The following DNAAF4 variants were observed in gnomAD, a reference collection of about 807,000 sequenced individuals.
The protein encoded by DNAAF4 is dynein axonemal assembly factor 4.
In DNAAF4, 43 loss-of-function variants were observed where a neutral mutation model predicts 51.8. The ratio of observed to expected loss-of-function variants is 0.83; its 90% CI spans 0.65 to 1.07. The LOEUF (loss-of-function observed/expected upper bound fraction) is 1.07, where lower values mean the gene tolerates loss of function less well. Ranked by LOEUF, DNAAF4 falls within the 50% of genes least tolerant of loss-of-function variation. The pLI is 0.00. For synonymous variants in DNAAF4, 194 were observed against 165.6 expected (o/e 1.17, Z -1.32); for missense variants, 581 against 493.0 (o/e 1.18, Z -1.69).
chr15:55,474,302 G>A (rs1344122289), intron 4 of DNAAF4, among the ~76,000 whole-genome samples: 2 of 152,162 alleles, frequency 1.3e-5, no homozygotes, highest in Non-Finnish European at 2.9e-5. Flanking sequence ...TTGGGAGGCC[G>A]AGGTGGGCAG....
At position 55,497,811 on chromosome 15, in the gene DNAAF4, C is replaced by T. The variant is rs748339322; in HGVS notation, c.172G>A (p.Asp58Asn). The T allele has an allele frequency of 2.5e-6, 4 of 1,613,674 alleles. No homozygotes were observed. The highest frequency in any genetic ancestry group is 3.4e-6 in the Non-Finnish European group (4 of 1,179,902). Residue 58 changes from aspartate (D) to asparagine (N), a missense_variant, in exon 3 of 10, where the codon GAC (aspartate) becomes AAC (asparagine). Physicochemically the swap from Asp to Asn is conservative, Grantham distance 23. Coordinates refer to ENST00000321149, the MANE Select transcript of DNAAF4 (RefSeq NM_130810.4). ...ATCTTTGCTTTGCTGCTCTCATCGT[C>T]TATGGGAGCATAAAGAAATGCCTCA... Reference protein sequence around the residue: ...LFEAFLYAPIDDESSKAKIGN... With the variant: ...LFEAFLYAPINDESSKAKIGN...
chr15:55,447,584 C>A (rs1274303676), intron 6 of DNAAF4, among the ~76,000 whole-genome samples: 1 of 151,286 alleles, frequency 6.6e-6, no homozygotes, highest in Non-Finnish European at 1.5e-5. Context: ...TGGAGACCAG[C>A]CGGGCCAACA....
At position 55,430,649 on chromosome 15, in the gene DNAAF4, C is replaced by G; in HGVS notation, c.*21G>C. 6.2e-7 allele frequency: 1 copy of G among 1,605,556 alleles called. No homozygotes were observed. Among genetic ancestry groups the G allele is most frequent in the Admixed American group, 1.7e-5 (1 of 59,204 alleles). On this transcript the variant is annotated 3_prime_UTR_variant, in exon 10 of 10. Transcript: ENST00000321149. ...TGTTTTTAAAAAACTTATAACAATA[C>G]TTAGTTACTTCTAATAGTCATTAAG...
At chr15:55,455,226 T>C (rs1041817935) in intron 5 of DNAAF4, among the ~76,000 whole-genome samples, 2 of 149,864 alleles carry the variant, frequency 1.3e-5, no homozygotes, top group South Asian at 2.1e-4. Flanking sequence ...TATCTAACTA[T>C]ATTGTTTCAA....
intron 4 of DNAAF4, among the ~76,000 whole-genome samples, chr15:55,469,726 G>A (rs1445916151): frequency 4.6e-5 from 7 of 151,582 alleles, no homozygotes; most frequent in South Asian, 4.2e-4. Context: ...TCCTGACCTC[G>A]TGATCCGCCC....
At chr15:55,506,091 A>T (rs2058725837) in intron 1 of DNAAF4, among the ~76,000 whole-genome samples, 1 of 152,108 alleles carries the variant, frequency 6.6e-6, no homozygotes, top group Non-Finnish European at 1.5e-5. Flanking sequence ...ATGAGATTTA[A>T]ATTGTTAATG....
At chr15:55,452,356 A>G (rs2141466389) in intron 5 of DNAAF4, among the ~76,000 whole-genome samples, 1 of 151,760 alleles carries the variant, frequency 6.6e-6, no homozygotes, top group African/African-American at 2.4e-5. Flanking sequence ...AATACTAATG[A>G]TTAATACGAT....
At chr15:55,480,023 T>C (rs2058387003) in intron 4 of DNAAF4, among the ~76,000 whole-genome samples, 1 of 152,200 alleles carries the variant, frequency 6.6e-6, no homozygotes, top group African/African-American at 2.4e-5. Context: ...AGTTCTGCTT[T>C]TGCCCTTTGT....
At chr15:55,433,959 A>AT (rs1220050103) in intron 8 of DNAAF4, among the ~76,000 whole-genome samples, 12 of 12,556 alleles carry the variant, frequency 9.6e-4, no homozygotes, top group African/African-American at 1.9e-3. Flanking sequence ...TATATAATAT[A>AT]TATAATATAT....
At chr15:55,457,452 T>C (rs532983445) in intron 5 of DNAAF4, among the ~76,000 whole-genome samples, 1 of 152,124 alleles carries the variant, frequency 6.6e-6, no homozygotes, top group Non-Finnish European at 1.5e-5. Context: ...CCCCACCTGA[T>C]GGGGCAAGGT....
chr15:55,476,959 T>C (rs2058343551), intron 4 of DNAAF4, among the ~76,000 whole-genome samples: 1 of 152,072 alleles, frequency 6.6e-6, no homozygotes, highest in Non-Finnish European at 1.5e-5. Flanking sequence ...TCACCTGAGG[T>C]CAGGAGTTAA....
intron 7 of DNAAF4, among the ~76,000 whole-genome samples, chr15:55,435,339 G>C (rs1415206311): frequency 6.6e-6 from 1 of 152,144 alleles, no homozygotes; most frequent in East Asian, 1.9e-4. Context: ...GGATGGGCTA[G>C]TGTGACCTAT....
chr15:55,442,920 T>C, intron 6 of DNAAF4: 1 of 1,612,068 alleles, frequency 6.2e-7, no homozygotes, highest in Non-Finnish European at 8.5e-7. Context: ...CAGGTGGTCC[T>C]TCTAGGTAAG....
At position 55,491,052 on chromosome 15, in the gene DNAAF4, C is replaced by T. The variant is rs920393904; in HGVS notation, c.405+71G>A. ...AGAAAATGCTGAGGAAGTCCAGCAG[C>T]TGGAACTCACTATCCTCACATAGTC... On this transcript the variant is annotated intron_variant, in intron 4 of 9. Transcript: ENST00000321149. 3.2e-6 allele frequency: 5 copies of T among 1,568,826 alleles called. No homozygotes were observed. In the African/African-American group the frequency reaches 6.8e-5, roughly 21 times the overall value.
intron 4 of DNAAF4, among the ~76,000 whole-genome samples, chr15:55,477,983 C>T (rs2058359190): frequency 6.6e-6 from 1 of 152,144 alleles, no homozygotes. Flanking sequence ...CTGACTGCCC[C>T]AGCTCCCACG....
chr15:55,465,013 C>T (rs1385627943), intron 5 of DNAAF4, among the ~76,000 whole-genome samples: 3 of 152,116 alleles, frequency 2.0e-5, no homozygotes, highest in Non-Finnish European at 4.4e-5. Flanking sequence ...CTCAACACCG[C>T]TAATTATTAG....
Position 55,493,589 on chromosome 15 carries a change from T to C in DNAAF4, c.272-2333A>G, listed in dbSNP as rs145329313. 4.7e-3 allele frequency among the ~76,000 whole-genome samples: 714 copies of C among 152,210 alleles called. 9 individuals are homozygous for C. Among genetic ancestry groups the C allele is most frequent in the African/African-American group, 0.016 (682 of 41,530 alleles). On this transcript the variant is annotated intron_variant, in intron 3 of 9. Coordinates refer to ENST00000321149, the MANE Select transcript of DNAAF4 (RefSeq NM_130810.4). ...AATTTCCAGAAAAAATGAGAAAAATTAGAGTCTGAATAATGAGGTAGACAG... is the reference window on the plus strand; with the variant it reads ...AATTTCCAGAAAAAATGAGAAAAATCAGAGTCTGAATAATGAGGTAGACAG...
At chr15:55,463,177 C>CACACACAT (rs2058119328) in intron 5 of DNAAF4, among the ~76,000 whole-genome samples, 3 of 130,002 alleles carry the variant, frequency 2.3e-5, no homozygotes. Context: ...CTGTCTCACA[C>CACACACAT]ACACACACAC....
chr15:55,446,310 A>G (rs12916791), intron 6 of DNAAF4, among the ~76,000 whole-genome samples: 14,891 of 32,900 alleles, frequency 0.45, 4,456 homozygotes, highest in East Asian at 0.79. Flanking sequence ...GGGGGGGGGC[A>G]GCTGGGCAGA....
Sources: gnomAD v4.1 joint callset for allele counts (sites outside exome capture counted in the v4.1 genomes callset) on GRCh38, gnomAD v4.1.1 for gene constraint, MANE v1.5 for transcripts, NCBI Gene and HGNC (gene_info 2026-07-23, HGNC 2026-07-21) for gene names.